The following KCNK3 variants were observed in gnomAD, a reference collection of about 807,000 sequenced individuals.
The protein encoded by KCNK3 is potassium two pore domain channel subfamily K member 3.
Under a neutral mutation model 27.3 loss-of-function variants are expected in KCNK3, and 9 were observed. The ratio of observed to expected loss-of-function variants is 0.33; its 90% CI spans 0.20 to 0.57. KCNK3 has a LOEUF of 0.57. Among genes scored for constraint, KCNK3 ranks in the 20% least tolerant of loss-of-function variants. The probability of loss-of-function intolerance (pLI) is 0.87; values close to 1 mark genes in which losing one functional copy is unlikely to be tolerated. For missense variants in KCNK3, 391 were observed against 577.7 expected (o/e 0.68, Z 3.31); for synonymous variants, 278 against 273.8 (o/e 1.02, Z -0.15).
At chr2:26,716,639 C>A (rs1166133164) in intron 1 of KCNK3, among the ~76,000 whole-genome samples, 3 of 152,144 alleles carry the variant, frequency 2.0e-5, no homozygotes, top group Admixed American at 2.0e-4. Context: ...GCTGCTGACA[C>A]CATGTCCGCA....
At chr2:26,704,993 G>T (rs1464673574) in intron 1 of KCNK3, among the ~76,000 whole-genome samples, 2 of 151,958 alleles carry the variant, frequency 1.3e-5, no homozygotes, top group East Asian at 1.9e-4. Flanking sequence ...TGGAGGCAGG[G>T]TCTCACTGTG....
intron 1 of KCNK3, among the ~76,000 whole-genome samples, chr2:26,694,145 A>G (rs1670205885): frequency 6.6e-6 from 1 of 152,096 alleles, no homozygotes; most frequent in African/African-American, 2.4e-5. Flanking sequence ...GTGATATATG[A>G]CCTTGGGCAA....
chr2:26,699,255 C>CAAGCA (rs1228423650), intron 1 of KCNK3, among the ~76,000 whole-genome samples: 1 of 106,448 alleles, frequency 9.4e-6, no homozygotes, highest in East Asian at 3.7e-4. Flanking sequence ...GAAAGAAAGC[C>CAAGCA]AGCCAAGGAG....
chr2:26,725,324 G>A (rs1245162259), intron 1 of KCNK3, among the ~76,000 whole-genome samples: 3 of 152,174 alleles, frequency 2.0e-5, no homozygotes, highest in South Asian at 2.1e-4. Flanking sequence ...GGGCTCTGGC[G>A]GGCAGCGAGG....
At chr2:26,726,106 C>CAGAGAG (rs1168877805) in intron 1 of KCNK3, among the ~76,000 whole-genome samples, 8 of 81,718 alleles carry the variant, frequency 9.8e-5, no homozygotes, top group African/African-American at 3.3e-4. Context: ...CACACACACA[C>CAGAGAG]AGAGAGAGAG....
chr2:26,704,112 T>C (rs967393548), intron 1 of KCNK3, among the ~76,000 whole-genome samples: 3 of 152,128 alleles, frequency 2.0e-5, no homozygotes, highest in Admixed American at 6.5e-5. Flanking sequence ...TGAATCCTGA[T>C]TGCCTGACTT....
At position 26,707,355 on chromosome 2, in the gene KCNK3, G is replaced by A. The variant is rs1186653126; in HGVS notation, c.283+14197G>A. Among the ~76,000 whole-genome samples the A allele has an allele frequency of 2.6e-5, 4 of 152,320 alleles. No homozygotes were observed. The East Asian group carries it at 7.7e-4, about 29-fold the overall frequency. On this transcript the variant is annotated intron_variant, in intron 1 of 1. Coordinates refer to ENST00000302909, the MANE Select transcript of KCNK3 (RefSeq NM_002246.3). The stretch of plus-strand genomic sequence containing the variant: ...CTTCCGACAGGGAGTGGCCAGGAGC[G>A]AGGCTGCAGACACAGTTTTGTTGCA...
chr2:26,717,554 A>T (rs889812871), intron 1 of KCNK3, among the ~76,000 whole-genome samples: 2 of 152,252 alleles, frequency 1.3e-5, no homozygotes, highest in African/African-American at 4.8e-5. Context: ...TTCCTTTCTC[A>T]ATGCCAGGCT....
chr2:26,698,809 C>T (rs1670266859), intron 1 of KCNK3, among the ~76,000 whole-genome samples: 1 of 152,126 alleles, frequency 6.6e-6, no homozygotes, highest in Non-Finnish European at 1.5e-5. Context: ...AGAAAGCTAG[C>T]AAGGGGCTGG....
intron 1 of KCNK3, among the ~76,000 whole-genome samples, chr2:26,700,766 CCATCAT>C (rs151248004): frequency 6.4e-5 from 9 of 140,706 alleles, no homozygotes; most frequent in Non-Finnish European, 1.4e-4. Context: ...ATCATCATCA[CCATCAT>C]CATCATCATA....
At chr2:26,727,236 C>T (rs1230458238) in intron 1 of KCNK3, among the ~76,000 whole-genome samples, 6 of 152,178 alleles carry the variant, frequency 3.9e-5, no homozygotes, top group South Asian at 2.1e-4. Flanking sequence ...GGACCACGCC[C>T]GCAGCCCAGG....
chr2:26,702,358 A>G (rs1172162230), intron 1 of KCNK3, among the ~76,000 whole-genome samples: 2 of 152,200 alleles, frequency 1.3e-5, no homozygotes, highest in Admixed American at 6.5e-5. Context: ...AGGGGCATCA[A>G]CAACCTGGGG....
chr2:26,695,836 G>T (rs1670228180), intron 1 of KCNK3, among the ~76,000 whole-genome samples: 2 of 152,218 alleles, frequency 1.3e-5, no homozygotes, highest in Admixed American at 6.5e-5. Flanking sequence ...TTTATAAAGT[G>T]CTGGGCAAGA....
At chr2:26,699,230 AAAG>A (rs1225899641) in intron 1 of KCNK3, among the ~76,000 whole-genome samples, 12 of 150,258 alleles carry the variant, frequency 8.0e-5, no homozygotes, top group Admixed American at 5.9e-4. Flanking sequence ...AGAAAGAAAG[AAAG>A]AAAGAAAGAA....
At chr2:26,696,820 G>C (rs968656950) in intron 1 of KCNK3, among the ~76,000 whole-genome samples, 1 of 152,160 alleles carries the variant, frequency 6.6e-6, no homozygotes, top group African/African-American at 2.4e-5. Context: ...AGGAGTCAGA[G>C]AGGTGACAGA....
At chr2:26,703,401 C>T (rs1670333253) in intron 1 of KCNK3, among the ~76,000 whole-genome samples, 1 of 152,214 alleles carries the variant, frequency 6.6e-6, no homozygotes. Context: ...AAGGCCATCA[C>T]ACCACCCATA....
At chr2:26,713,645 G>A (rs1167985248) in intron 1 of KCNK3, among the ~76,000 whole-genome samples, 1 of 151,990 alleles carries the variant, frequency 6.6e-6, no homozygotes, top group Non-Finnish European at 1.5e-5. Context: ...TGCTGGGTGT[G>A]TAATCCCAAC....
rs1309637216 is a variant in KCNK3 at position 26,730,128 on chromosome 2, T to C, written c.*1560T>C. 1 of 152,252 alleles carries C rather than the reference T, an allele frequency of 6.6e-6. No homozygotes were observed. The highest frequency in any genetic ancestry group is 6.5e-5 in the Admixed American group (1 of 15,278). The allele number at this position is 152,252 out of a possible 1,614,324, so 9.4% of individuals were successfully genotyped here. A position where few individuals can be genotyped will look rare whatever the true frequency, so the allele number is the denominator to read the frequency against. On this transcript the variant is annotated 3_prime_UTR_variant, in exon 2 of 2. Coordinates refer to ENST00000302909, the MANE Select transcript of KCNK3 (RefSeq NM_002246.3). ...GGCGCATGCTTACAAACAGTGCAGT[T>C]CTTGGGACCGAGGTAAGCAGGGCTG...
At chr2:26,711,861 C>T (rs1012010385) in intron 1 of KCNK3, among the ~76,000 whole-genome samples, 1 of 151,964 alleles carries the variant, frequency 6.6e-6, no homozygotes, top group Non-Finnish European at 1.5e-5. Flanking sequence ...GATTCCATAT[C>T]GGGGCTGGGG....
Sources: allele counts gnomAD v4.1 joint callset (sites outside exome capture counted in the v4.1 genomes callset), GRCh38; gene constraint gnomAD v4.1.1; transcripts MANE v1.5; gene names NCBI Gene and HGNC (gene_info 2026-07-23, HGNC 2026-07-21).